ST18: variants seen among roughly 807,000 people sequenced by gnomAD.
ST18 encodes the protein ST18 C2H2C-type zinc finger transcription factor.
In ST18, 50 loss-of-function variants were observed where a neutral mutation model predicts 110.0. The observed-to-expected ratio is 0.45, with a 90% CI of 0.36 to 0.58. The LOEUF (loss-of-function observed/expected upper bound fraction) is 0.58. Ranked by LOEUF, ST18 falls within the 20% of genes least tolerant of loss-of-function variation. The pLI, the probability that ST18 is intolerant of heterozygous loss-of-function variation, is 0.00. For synonymous variants in ST18, 461 were observed against 452.4 expected, an observed-to-expected ratio of 1.02 and a Z score of -0.24; for missense variants, 1,306 against 1,280.1, an observed-to-expected ratio of 1.02 and a Z score of -0.31.
chr8:52,257,979 T>A (rs1372856276), intron 2 of ST18, among the ~76,000 whole-genome samples: 2 of 152,208 alleles, frequency 1.3e-5, no homozygotes, highest in Non-Finnish European at 2.9e-5. Context: ...GAGATCCAAC[T>A]GCATTCTTTT....
At chr8:52,148,726 G>C (rs895279961) in intron 16 of ST18, among the ~76,000 whole-genome samples, 3 of 150,604 alleles carry the variant, frequency 2.0e-5, no homozygotes, top group Non-Finnish European at 4.4e-5. Context: ...GGAGGGGAGC[G>C]ATGGGAAGGG....
At chr8:52,286,645 T>C (rs1159548825) in intron 2 of ST18, among the ~76,000 whole-genome samples, 1 of 152,014 alleles carries the variant, frequency 6.6e-6, no homozygotes, top group Non-Finnish European at 1.5e-5. Context: ...ACCTCCATTT[T>C]GTACTGATTA....
intron 3 of ST18, among the ~76,000 whole-genome samples, chr8:52,227,271 C>T (rs903884183): frequency 6.6e-6 from 1 of 152,072 alleles, no homozygotes; most frequent in Non-Finnish European, 1.5e-5. Context: ...CTATGGATTG[C>T]CATGCTAGAC....
At chr8:52,136,469 T>C in intron 19 of ST18, 121 bp downstream of exon 19, 2 of 959,646 alleles carry the variant, frequency 2.1e-6, no homozygotes, top group Non-Finnish European at 3.2e-6. Context: ...GTGCCTTTGC[T>C]GTGATCCTGG....
intron 14 of ST18, among the ~76,000 whole-genome samples, chr8:52,160,050 T>A (rs1279975348): frequency 6.6e-6 from 1 of 152,176 alleles, no homozygotes; most frequent in Non-Finnish European, 1.5e-5. Context: ...ATTACAAGAA[T>A]ATGAAAATGT....
intron 2 of ST18, among the ~76,000 whole-genome samples, chr8:52,250,916 T>C (rs976196923): frequency 5.3e-5 from 8 of 152,180 alleles, no homozygotes; most frequent in Non-Finnish European, 8.8e-5. Flanking sequence ...ATCACATTGA[T>C]TGAGTTTAAA....
intron 2 of ST18, among the ~76,000 whole-genome samples, chr8:52,398,231 T>C (rs1408152967): frequency 6.6e-6 from 1 of 152,168 alleles, no homozygotes; most frequent in Non-Finnish European, 1.5e-5. Flanking sequence ...TGGATGTTAT[T>C]TATGTATTGA....
At chr8:52,263,605 G>GTTTTT (rs1198571205) in intron 2 of ST18, among the ~76,000 whole-genome samples, 1 of 124,934 alleles carries the variant, frequency 8.0e-6, no homozygotes. Context: ...TAGTTTTTTT[G>GTTTTT]TTTTGTTTTT....
rs141556653 is a variant in ST18, at chr8:52,171,792, G to A, written c.1069C>T (p.His357Tyr). 2.2e-5 allele frequency: 35 copies of A among 1,610,144 alleles called. No individual in the cohort carries two copies. Among genetic ancestry groups the A allele is most frequent in the Admixed American group, 2.0e-4 (12 of 59,740 alleles). ...AAATAAATGCAAAAATGTGTCTTAC[G>A]TTTATTGTTAAAGATTTGTCTTCCA... ...MGGRQIFNNK[H>Y]SPRPEKRETK... Residue 357 changes from histidine to tyrosine, a missense_variant and splice_region_variant, in exon 10 of 26, where the codon CAT becomes TAT. His to Tyr is a moderately conservative substitution (Grantham distance 83, BLOSUM62 2). Coordinates refer to ENST00000689386, the MANE Select transcript of ST18 (RefSeq NM_001352837.2).
At chr8:52,121,315 C>T (rs767862185) in intron 23 of ST18, among the ~76,000 whole-genome samples, 4 of 152,142 alleles carry the variant, frequency 2.6e-5, no homozygotes, top group Non-Finnish European at 4.4e-5. Flanking sequence ...ACGTAACAGG[C>T]TCCCTTTACA....
Position 52,133,195 on chromosome 8 carries a change from C to T in ST18, c.2363+44G>A, listed in dbSNP as rs1474484439. 3.1e-6 allele frequency: 5 copies of T among 1,614,154 alleles called. 1 individual carries two copies. In the South Asian group the frequency reaches 5.5e-5, roughly 18 times the overall value. On this transcript the variant is annotated intron_variant, in intron 20 of 25. Transcript: ENST00000689386. ...AATTATGTGATCTCTCTGACTGCTG[C>T]CGACAAGCTCATTTCCACATCTCAG...
chr8:52,282,698 C>T (rs2095404825), intron 2 of ST18, among the ~76,000 whole-genome samples: 1 of 152,092 alleles, frequency 6.6e-6, no homozygotes, highest in Non-Finnish European at 1.5e-5. Context: ...CCAGAACTAT[C>T]CTCCAGAGCT....
intron 2 of ST18, among the ~76,000 whole-genome samples, chr8:52,277,285 C>CAT (rs961442450): frequency 6.6e-6 from 1 of 152,134 alleles, no homozygotes; most frequent in African/African-American, 2.4e-5. Flanking sequence ...ATCTCACATC[C>CAT]ACTCCTGCTC....
At chr8:52,353,149 A>G (rs1290540416) in intron 2 of ST18, among the ~76,000 whole-genome samples, 1 of 152,240 alleles carries the variant, frequency 6.6e-6, no homozygotes, top group Non-Finnish European at 1.5e-5. Flanking sequence ...CCAAAGATAG[A>G]GTTATGTATT....
chr8:52,407,812 G>A (rs1845046680), intron 2 of ST18: 1 of 152,114 alleles, frequency 6.6e-6, no homozygotes. Context: ...CTTCTGGTGA[G>A]CCTGTGTAAA....
At chr8:52,123,393 A>G (rs1182880263) in intron 23 of ST18, among the ~76,000 whole-genome samples, 1 of 152,218 alleles carries the variant, frequency 6.6e-6, no homozygotes, top group Non-Finnish European at 1.5e-5. Context: ...TCTACTTTAA[A>G]GATCATCCAG....
intron 24 of ST18, among the ~76,000 whole-genome samples, chr8:52,117,445 C>T (rs147596847): frequency 6.6e-6 from 1 of 152,192 alleles, no homozygotes; most frequent in Non-Finnish European, 1.5e-5. Context: ...TTGTCTGCTT[C>T]CTCCTTCTAG....
At position 52,113,348 on chromosome 8, in the gene ST18, G is replaced by GACAA; in HGVS notation, c.3004-14_3004-11dup. 1 of 1,613,214 alleles carries GACAA rather than the reference G, an allele frequency of 6.2e-7. No individual in the cohort carries two copies. Among genetic ancestry groups the GACAA allele is most frequent in the Non-Finnish European group, 8.5e-7 (1 of 1,179,560 alleles). On this transcript the variant is annotated splice_polypyrimidine_tract_variant and intron_variant, in intron 25 of 25. Transcript: ENST00000689386. ...GCTCACTGATAGGTCCCTAAATGGA[G>GACAA]ACAAAACACATTGACCCAATCACAG...
At chr8:52,310,662 C>A (rs2095889868) in intron 2 of ST18, among the ~76,000 whole-genome samples, 1 of 152,070 alleles carries the variant, frequency 6.6e-6, no homozygotes, top group Non-Finnish European at 1.5e-5. Flanking sequence ...GGCTCCTATT[C>A]CAGGGCTACT....
Sources: gnomAD v4.1 joint callset for allele counts (sites outside exome capture counted in the v4.1 genomes callset) on GRCh38, gnomAD v4.1.1 for gene constraint, MANE v1.5 for transcripts, NCBI Gene and HGNC (gene_info 2026-07-23, HGNC 2026-07-21) for gene names.